The following IGSF10 variants were observed in gnomAD, a reference collection of about 807,000 sequenced individuals.
IGSF10 encodes the protein calvaria mechanical force protein 608.
A neutral mutation model predicts 128.2 loss-of-function variants in IGSF10; 126 were observed. The observed-to-expected ratio is 0.98, with a 90% confidence interval of 0.85 to 1.14. The LOEUF is 1.14. Among genes scored for constraint, IGSF10 ranks in the 50% most tolerant of loss-of-function variants. The pLI is 0.00. For synonymous variants in IGSF10, 1,185 were observed against 1,146.2 expected, an observed-to-expected ratio of 1.03 and a Z score of -0.68; for missense variants, 3,295 against 3,149.8, an observed-to-expected ratio of 1.05 and a Z score of -1.10.
the IGSF10 span, among the ~76,000 whole-genome samples, chr3:151,520,787 T>C: frequency 6.6e-6 from 1 of 151,652 alleles, no homozygotes; most frequent in African/African-American, 2.4e-5. Flanking sequence ...CACTTAAACA[T>C]AAGACCAGTG....
the IGSF10 span, among the ~76,000 whole-genome samples, chr3:151,497,449 T>G: frequency 3.9e-5 from 6 of 152,312 alleles, 1 homozygote; most frequent in Admixed American, 3.9e-4. Flanking sequence ...TCCCCATTGC[T>G]TGTTTTTGTC....
chr3:151,509,751 C>A, the IGSF10 span, among the ~76,000 whole-genome samples: 3 of 152,202 alleles, frequency 2.0e-5, no homozygotes, highest in South Asian at 6.2e-4. Context: ...ACAGACAGCA[C>A]CTGGAAAATT....
the IGSF10 span, among the ~76,000 whole-genome samples, chr3:151,517,674 C>T: frequency 5.9e-5 from 9 of 151,828 alleles, no homozygotes; most frequent in Admixed American, 3.3e-4. Context: ...AGAATCTGAC[C>T]GAAAGGGAGG....
At chr3:151,573,300 G>A in the IGSF10 span, among the ~76,000 whole-genome samples, 4 of 152,082 alleles carry the variant, frequency 2.6e-5, no homozygotes, top group South Asian at 2.1e-4. Context: ...CTTCTGGCTC[G>A]TTGATCTGTC....
intron 7 of IGSF10, among the ~76,000 whole-genome samples, chr3:151,441,918 G>A (rs1299051615): frequency 6.6e-6 from 1 of 152,090 alleles, no homozygotes; most frequent in Admixed American, 6.5e-5. Flanking sequence ...AAAATTAGTC[G>A]GATGTGGTGG....
At chr3:151,538,301 A>G in the IGSF10 span, among the ~76,000 whole-genome samples, 2 of 152,186 alleles carry the variant, frequency 1.3e-5, no homozygotes, top group Non-Finnish European at 2.9e-5. Flanking sequence ...ATTGCTTAAT[A>G]TATTTCTTTA....
the IGSF10 span, among the ~76,000 whole-genome samples, chr3:151,607,383 T>TA: frequency 4.0e-5 from 6 of 151,694 alleles, no homozygotes; most frequent in South Asian, 6.2e-4. Flanking sequence ...CACCTGGGGA[T>TA]AAAAAAAGTA....
At position 151,461,061 on chromosome 3, in the gene IGSF10, G is replaced by A. The variant is rs1213077795; in HGVS notation, c.-204C>T. On this transcript the variant is annotated 5_prime_UTR_variant, in exon 1 of 8. Transcript: ENST00000282466. Reference sequence around the variant, plus strand: ...GTCCGGAGCTCTGGGAGGGAAGGAAGGAAGGCGGAGCGAGGGCGGGGGATG... The same window carrying A: ...GTCCGGAGCTCTGGGAGGGAAGGAAAGAAGGCGGAGCGAGGGCGGGGGATG... 26 of 985,324 alleles carry A rather than the reference G, an allele frequency of 2.6e-5. No homozygotes were observed. The highest frequency in any genetic ancestry group is 2.9e-5 in the Non-Finnish European group (24 of 829,932). 61.0% of individuals were successfully genotyped at this position (985,324 alleles called of 1,614,324 possible).
chr3:151,592,568 C>G, the IGSF10 span, among the ~76,000 whole-genome samples: 3 of 152,156 alleles, frequency 2.0e-5, no homozygotes, highest in Admixed American at 6.5e-5. Flanking sequence ...ACCTCTTTTA[C>G]AGCAGGCAGT....
At chr3:151,526,536 G>C in the IGSF10 span, among the ~76,000 whole-genome samples, 5 of 151,840 alleles carry the variant, frequency 3.3e-5, no homozygotes, top group Non-Finnish European at 7.4e-5. Context: ...TTAGTACCAC[G>C]AAGTTTCTAT....
At chr3:151,513,099 C>T in the IGSF10 span, among the ~76,000 whole-genome samples, 29 of 152,250 alleles carry the variant, frequency 1.9e-4, no homozygotes, top group Admixed American at 5.2e-4. Flanking sequence ...AGGGAATCCT[C>T]CCTAACTCAT....
chr3:151,605,591 A>G, the IGSF10 span, among the ~76,000 whole-genome samples: 3 of 152,200 alleles, frequency 2.0e-5, no homozygotes, highest in Non-Finnish European at 4.4e-5. Context: ...GCTATCACAC[A>G]TTATTCTAAA....
the IGSF10 span, among the ~76,000 whole-genome samples, chr3:151,564,279 C>A: frequency 6.6e-6 from 1 of 152,074 alleles, no homozygotes; most frequent in East Asian, 1.9e-4. Flanking sequence ...TTTCATACTC[C>A]TTTTTTGCAT....
the IGSF10 span, among the ~76,000 whole-genome samples, chr3:151,524,655 A>T: frequency 2.6e-5 from 4 of 152,150 alleles, no homozygotes; most frequent in Non-Finnish European, 5.9e-5. Context: ...GAGGGAGAGG[A>T]ACAGAGAAGA....
Position 151,436,613 on chromosome 3 carries a change from G to A in IGSF10, c.*76C>T. On this transcript the variant is annotated 3_prime_UTR_variant, in exon 8 of 8. Coordinates refer to ENST00000282466, the MANE Select transcript of IGSF10 (RefSeq NM_178822.5). ...TAAATGTATTCAAATTCATTTACAT[G>A]CCTATGGCTGCCTTTGATTAAACTT... is the stretch of plus-strand genomic sequence containing the variant. 1.0e-6 allele frequency: 1 copy of A among 966,474 alleles called. No individual in the cohort carries two copies. Among genetic ancestry groups the A allele is most frequent in the Non-Finnish European group, 1.6e-6 (1 of 636,524 alleles). 59.9% of individuals were successfully genotyped at this position (966,474 alleles called of 1,614,324 possible). A position where few individuals can be genotyped will look rare whatever the true frequency, so the allele number is the denominator to read the frequency against.
At chr3:151,450,483 T>C (rs1164603902) in intron 5 of IGSF10, among the ~76,000 whole-genome samples, 1 of 152,198 alleles carries the variant, frequency 6.6e-6, no homozygotes, top group Non-Finnish European at 1.5e-5. Flanking sequence ...CTGCGTGTAC[T>C]ACAGTGTGAC....
rs1055019429 is a variant in IGSF10, at chr3:151,445,737, A to G, written c.4244T>C (p.Leu1415Pro). 1 of 1,614,048 alleles carries G rather than the reference A, an allele frequency of 6.2e-7. No individual in the cohort carries two copies. The change falls in exon 6 of 8, where the codon CTT becomes CCT. Residue 1415 changes from leucine to proline, a missense_variant. Coordinates refer to ENST00000282466, the MANE Select transcript of IGSF10 (RefSeq NM_178822.5). ...SSTISFHSRT[L>P]NLTDVIEELA... ...TTCTTCAATCACATCTGTCAGATTAAGAGTTCTTGAATGAAAACTGATTGT... is the reference window on the plus strand; with the variant it reads ...TTCTTCAATCACATCTGTCAGATTAGGAGTTCTTGAATGAAAACTGATTGT...
the IGSF10 span, among the ~76,000 whole-genome samples, chr3:151,469,511 T>A: frequency 6.6e-6 from 1 of 152,234 alleles, no homozygotes; most frequent in Non-Finnish European, 1.5e-5. Context: ...ATGTAAACCT[T>A]CTTCAGAGTT....
the IGSF10 span, among the ~76,000 whole-genome samples, chr3:151,548,653 C>T: frequency 6.6e-6 from 1 of 152,108 alleles, no homozygotes; most frequent in Admixed American, 6.6e-5. Flanking sequence ...TAAGTCAACC[C>T]TTTCAATGTG....
Sources: gnomAD v4.1 joint callset for allele counts (sites outside exome capture counted in the v4.1 genomes callset) on GRCh38, gnomAD v4.1.1 for gene constraint, MANE v1.5 for transcripts, NCBI Gene and HGNC (gene_info 2026-07-23, HGNC 2026-07-21) for gene names.